The following SLC71A2 variants were observed in gnomAD, a reference collection of about 807,000 sequenced individuals.
SLC71A2 encodes solute carrier family 71 member 2.
the SLC71A2 span, among the ~76,000 whole-genome samples, chr9:94,425,089 G>A: frequency 2.6e-5 from 4 of 151,240 alleles, no homozygotes; most frequent in Non-Finnish European, 5.9e-5. Context: ...TGTGGTATTT[G>A]TGTAATGACA....
At chr9:94,453,473 C>G in the SLC71A2 span, among the ~76,000 whole-genome samples, 1 of 152,106 alleles carries the variant, frequency 6.6e-6, no homozygotes, top group East Asian at 1.9e-4. Flanking sequence ...CATCCAACCC[C>G]TTTTTAGACT....
chr9:94,409,556 C>T, the SLC71A2 span, among the ~76,000 whole-genome samples: 1 of 152,140 alleles, frequency 6.6e-6, no homozygotes, highest in African/African-American at 2.4e-5. Flanking sequence ...TAGTTTCTTA[C>T]AGTGGAAAGT....
chr9:94,422,686 C>G, the SLC71A2 span, among the ~76,000 whole-genome samples: 4 of 152,092 alleles, frequency 2.6e-5, no homozygotes, highest in Admixed American at 6.5e-5. Context: ...TTGCATATTC[C>G]TAACGACCAA....
the SLC71A2 span, among the ~76,000 whole-genome samples, chr9:94,445,857 A>T: frequency 6.6e-6 from 1 of 152,208 alleles, no homozygotes; most frequent in African/African-American, 2.4e-5. Context: ...AAATTCATGT[A>T]ATCAATCAGA....
chr9:94,403,065 T>C, the SLC71A2 span, among the ~76,000 whole-genome samples: 1 of 152,214 alleles, frequency 6.6e-6, no homozygotes, highest in Non-Finnish European at 1.5e-5. Flanking sequence ...TTACTGTCTA[T>C]GAATTTAATT....
At chr9:94,393,924 C>G in the SLC71A2 span, among the ~76,000 whole-genome samples, 1 of 75,222 alleles carries the variant, frequency 1.3e-5, no homozygotes, top group East Asian at 3.5e-4. Flanking sequence ...ACCATTGTCC[C>G]CAACACCTAG....
the SLC71A2 span, chr9:94,447,058 A>C: frequency 1.7e-6 from 1 of 582,206 alleles, no homozygotes; most frequent in African/African-American, 1.9e-5. Flanking sequence ...TCTAGTTACA[A>C]ATGTAGGTGC....
the SLC71A2 span, among the ~76,000 whole-genome samples, chr9:94,394,887 CTA>C: frequency 6.9e-6 from 1 of 144,048 alleles, no homozygotes; most frequent in Non-Finnish European, 1.5e-5. Flanking sequence ...ACAGAAATGA[CTA>C]TGAGTCTTGT....
the SLC71A2 span, among the ~76,000 whole-genome samples, chr9:94,386,076 TAGTA>T: frequency 1.3e-5 from 2 of 152,174 alleles, no homozygotes; most frequent in Non-Finnish European, 2.9e-5. Flanking sequence ...AGCTTAGTGA[TAGTA>T]AGTCTTCCTT....
chr9:94,448,130 AT>A, the SLC71A2 span, among the ~76,000 whole-genome samples: 1 of 152,188 alleles, frequency 6.6e-6, no homozygotes, highest in Non-Finnish European at 1.5e-5. Flanking sequence ...TATTAATTAA[AT>A]TTAACAGATA....
the SLC71A2 span, among the ~76,000 whole-genome samples, chr9:94,390,744 G>A: frequency 6.6e-6 from 1 of 152,032 alleles, no homozygotes; most frequent in African/African-American, 2.4e-5. Flanking sequence ...CTTCTCCTTT[G>A]TGTCACAGAC....
At chr9:94,458,255 T>C in the SLC71A2 span, 3 of 1,429,512 alleles carry the variant, frequency 2.1e-6, no homozygotes, top group Non-Finnish European at 2.9e-6. Context: ...GAGAAAGTAC[T>C]GTGCAGCTCC....
At chr9:94,404,591 C>T in the SLC71A2 span, among the ~76,000 whole-genome samples, 14 of 152,192 alleles carry the variant, frequency 9.2e-5, no homozygotes, top group South Asian at 2.1e-4. Flanking sequence ...TGAGCCACCG[C>T]GCCCGGCCTA....
chr9:94,389,868 A>G, the SLC71A2 span, among the ~76,000 whole-genome samples: 3 of 149,790 alleles, frequency 2.0e-5, no homozygotes, highest in African/African-American at 4.9e-5. Flanking sequence ...TCGGCCTCCC[A>G]AAGTGCTGGG....
chr9:94,384,661 G>C, the SLC71A2 span, among the ~76,000 whole-genome samples: 4 of 151,976 alleles, frequency 2.6e-5, no homozygotes, highest in Non-Finnish European at 5.9e-5. Flanking sequence ...TTTTAAATTG[G>C]GTCATTTGCG....
the SLC71A2 span, chr9:94,459,529 G>C: frequency 1.0e-6 from 1 of 1,001,300 alleles, no homozygotes; most frequent in African/African-American, 1.6e-5. Context: ...TCAGGGCCAA[G>C]TTTGATAAAT....
the SLC71A2 span, among the ~76,000 whole-genome samples, chr9:94,449,004 A>G: frequency 1.3e-5 from 2 of 152,206 alleles, no homozygotes; most frequent in Non-Finnish European, 2.9e-5. Flanking sequence ...GAATGGTGAG[A>G]TAGTGTAGAA....
chr9:94,419,659 ACTC>A, the SLC71A2 span, among the ~76,000 whole-genome samples: 4 of 148,638 alleles, frequency 2.7e-5, no homozygotes, highest in Non-Finnish European at 6.0e-5. Flanking sequence ...CTGGTCTTGA[ACTC>A]CTCCTCGCCT....
chr9:94,432,685 T>C, the SLC71A2 span: 60 of 282,950 alleles, frequency 2.1e-4, no homozygotes, highest in Non-Finnish European at 3.7e-4. Flanking sequence ...GAAGGAAGGC[T>C]GTAGTACTTT....
Sources: gnomAD v4.1 joint callset for allele counts (sites outside exome capture counted in the v4.1 genomes callset) on GRCh38, gnomAD v4.1.1 for gene constraint, MANE v1.5 for transcripts, NCBI Gene and HGNC (gene_info 2026-07-23, HGNC 2026-07-21) for gene names.